SLAIN1: variants seen among roughly 807,000 people sequenced by gnomAD.
The protein encoded by SLAIN1 is SLAIN family member 1.
SLAIN1 carries 17 observed loss-of-function variants against 55.4 expected under a neutral mutation model. The observed-to-expected ratio is 0.31, with a 90% CI of 0.21 to 0.46. The LOEUF (loss-of-function observed/expected upper bound fraction) is 0.46. SLAIN1 is among the 20% of genes least tolerant of loss of function. The pLI is 1.00. For synonymous variants in SLAIN1, 348 were observed against 337.4 expected, an observed-to-expected ratio of 1.03 and a Z score of -0.35; for missense variants, 682 against 785.1, an observed-to-expected ratio of 0.87 and a Z score of 1.57.
intron 1 of SLAIN1, among the ~76,000 whole-genome samples, chr13:77,715,595 A>T (rs1566224740): frequency 6.6e-6 from 1 of 152,154 alleles, no homozygotes; most frequent in Non-Finnish European, 1.5e-5. Context: ...CTTTCTTAAC[A>T]CTTGCTATGG....
chr13:77,741,456 G>A, intron 2 of SLAIN1: 1 of 987,242 alleles, frequency 1.0e-6, no homozygotes, highest in Non-Finnish European at 1.2e-6. Flanking sequence ...TTACGGGTTG[G>A]ATAAGTGACA....
intron 2 of SLAIN1, among the ~76,000 whole-genome samples, chr13:77,732,519 TG>T (rs973758541): frequency 2.0e-5 from 3 of 152,190 alleles, no homozygotes; most frequent in Non-Finnish European, 4.4e-5. Flanking sequence ...ATCTCATCGT[TG>T]CCAAATTATT....
chr13:77,741,103 G>C (rs765315372), intron 2 of SLAIN1: 30 of 965,446 alleles, frequency 3.1e-5, no homozygotes, highest in Non-Finnish European at 3.6e-5. Context: ...AGTGATGAAT[G>C]CTGCTTACTT....
chr13:77,721,969 A>G (rs2091266654), intron 2 of SLAIN1, among the ~76,000 whole-genome samples: 1 of 146,474 alleles, frequency 6.8e-6, no homozygotes, highest in East Asian at 2.0e-4. Context: ...TCATTTGCAC[A>G]CTAGATACAT....
At position 77,742,909 on chromosome 13, in the gene SLAIN1, G is replaced by T. The variant is rs553301144; in HGVS notation, c.767-1374G>T. ...GTCAGTTAAGATAGTCCTATGAAAA[G>T]TTGCTTTGTCTTTTTTTTTTTTTTT... On this transcript the variant is annotated intron_variant, in intron 2 of 6. Coordinates refer to ENST00000418532, the MANE Select transcript of SLAIN1 (RefSeq NM_001242868.2). The T allele has an allele frequency of 6.9e-5, 44 of 639,176 alleles. No homozygotes were observed. The African/African-American group carries it at 8.4e-4, about 12-fold the overall frequency. The allele number at this position is 639,176 out of a possible 1,614,324, so 39.6% of individuals were successfully genotyped here.
At chr13:77,716,459 C>G (rs2091208806) in intron 1 of SLAIN1, among the ~76,000 whole-genome samples, 1 of 151,806 alleles carries the variant, frequency 6.6e-6, no homozygotes, top group Non-Finnish European at 1.5e-5. Context: ...TTATGTGGAC[C>G]AATTTAAGGA....
Position 77,721,476 on chromosome 13 carries a change from C to G in SLAIN1, c.766+1805C>G, listed in dbSNP as rs1465773434. On this transcript the variant is annotated intron_variant, in intron 2 of 6. Transcript: ENST00000418532. The stretch of plus-strand genomic sequence containing the variant: ...TATAGACCATTCCTAAGCCTCCTTA[C>G]TTAATCCTTGACTCAGTGACTTATA... 4.2e-4 allele frequency among the ~76,000 whole-genome samples: 64 copies of G among 152,150 alleles called. 2 individuals are homozygous for G. Among genetic ancestry groups the G allele is most frequent in the Admixed American group, 4.1e-3 (63 of 15,262 alleles).
intron 1 of SLAIN1, among the ~76,000 whole-genome samples, chr13:77,719,161 G>C (rs1038552158): frequency 2.0e-5 from 3 of 151,396 alleles, no homozygotes; most frequent in African/African-American, 7.3e-5. Flanking sequence ...GTTTACAAAA[G>C]ATTCTGTTGC....
chr13:77,729,560 C>T (rs2154409965), intron 2 of SLAIN1, among the ~76,000 whole-genome samples: 1 of 150,410 alleles, frequency 6.6e-6, no homozygotes. Flanking sequence ...ACAGAATAGT[C>T]AGGTTTAAAG....
At chr13:77,754,029 C>G (rs1187337114) in intron 5 of SLAIN1, among the ~76,000 whole-genome samples, 1 of 152,178 alleles carries the variant, frequency 6.6e-6, no homozygotes, top group Admixed American at 6.5e-5. Flanking sequence ...TCCCCCTATT[C>G]CTACTCATGC....
intron 1 of SLAIN1, among the ~76,000 whole-genome samples, chr13:77,718,346 C>T (rs868075597): frequency 7.2e-5 from 11 of 152,090 alleles, no homozygotes; most frequent in African/African-American, 2.4e-4. Context: ...CACGTTTATT[C>T]GCTTACATAT....
At chr13:77,740,546 T>A (rs1351516461) in intron 2 of SLAIN1, among the ~76,000 whole-genome samples, 2 of 145,302 alleles carry the variant, frequency 1.4e-5, no homozygotes, top group Non-Finnish European at 3.0e-5. Flanking sequence ...CCCCTTTTTT[T>A]ATAAATAGAA....
chr13:77,749,921 A>G (rs1196116007), intron 4 of SLAIN1, among the ~76,000 whole-genome samples: 1 of 152,192 alleles, frequency 6.6e-6, no homozygotes, highest in Non-Finnish European at 1.5e-5. Flanking sequence ...ATTGGTTTTA[A>G]AGACTAACAC....
rs1385472273 is a variant in SLAIN1, at chr13:77,697,886, G to C, written c.-28G>C. On this transcript the variant is annotated 5_prime_UTR_variant, in exon 1 of 7. Coordinates refer to ENST00000418532, the MANE Select transcript of SLAIN1 (RefSeq NM_001242868.2). ...GCCGGCGCGGCGGCGCGCACTCCCC[G>C]GCGGCCGCGGCGCCCTCGGGGCCCA... 2.3e-6 allele frequency: 3 copies of C among 1,320,638 alleles called. No homozygotes were observed. Among genetic ancestry groups the C allele is most frequent in the Non-Finnish European group, 2.9e-6 (3 of 1,030,980 alleles). 81.8% of individuals were successfully genotyped at this position (1,320,638 alleles called of 1,614,324 possible).
intron 2 of SLAIN1, among the ~76,000 whole-genome samples, chr13:77,725,191 CTAGCA>C (rs1199674177): frequency 6.6e-6 from 1 of 152,190 alleles, no homozygotes; most frequent in African/African-American, 2.4e-5. Context: ...AGGGCATAGA[CTAGCA>C]TCAGTTGAAG....
At chr13:77,700,052 T>C (rs376688798) in intron 1 of SLAIN1, among the ~76,000 whole-genome samples, 2 of 152,214 alleles carry the variant, frequency 1.3e-5, no homozygotes, top group East Asian at 1.9e-4. Flanking sequence ...TGGGGAGATA[T>C]ATGGGATCAG....
At chr13:77,720,331 CTG>C (rs1356947512) in intron 2 of SLAIN1, among the ~76,000 whole-genome samples, 2 of 152,098 alleles carry the variant, frequency 1.3e-5, no homozygotes, top group African/African-American at 4.8e-5. Flanking sequence ...TCTGGGAACA[CTG>C]TTTCTATTCC....
intron 5 of SLAIN1, among the ~76,000 whole-genome samples, chr13:77,754,409 A>G (rs1008703884): frequency 6.6e-5 from 10 of 152,264 alleles, no homozygotes; most frequent in African/African-American, 2.4e-4. Flanking sequence ...TTCTACTGCC[A>G]TTCTTATTTT....
At position 77,746,772 on chromosome 13, in the gene SLAIN1, T is replaced by C. The variant is rs764106196; in HGVS notation, c.1175T>C (p.Phe392Ser). The C allele has an allele frequency of 6.2e-7, 1 of 1,613,844 alleles. No homozygotes were observed. Among genetic ancestry groups the C allele is most frequent in the Non-Finnish European group, 8.5e-7 (1 of 1,179,840 alleles). ...ECRRSPSSQY[F>S]PSNNYQQQQY... ...AGGAGGAGCCCCAGTTCCCAGTATT[T>C]TCCTTCAAATAATTACCAGCAGCAA... is the stretch of plus-strand genomic sequence containing the variant. The change falls in exon 4 of 7, where the codon TTT becomes TCT. Residue 392 changes from phenylalanine to serine, a missense_variant. Phe to Ser is a radical substitution (Grantham distance 155, BLOSUM62 -2). Coordinates refer to ENST00000418532, the MANE Select transcript of SLAIN1 (RefSeq NM_001242868.2).
Sources: gnomAD v4.1 joint callset for allele counts (sites outside exome capture counted in the v4.1 genomes callset) on GRCh38, gnomAD v4.1.1 for gene constraint, MANE v1.5 for transcripts, NCBI Gene and HGNC (gene_info 2026-07-23, HGNC 2026-07-21) for gene names.